Variants in FIP1L1 observed in about 807,000 individuals in gnomAD.
The protein encoded by FIP1L1 is factor interacting with PAPOLA and CPSF1, also known as pre-mRNA 3'-end-processing factor FIP1.
Under a neutral mutation model 84.6 loss-of-function variants are expected in FIP1L1, and 21 were observed. That is an observed-to-expected ratio of 0.25 (90% confidence interval 0.18 to 0.36). The LOEUF (loss-of-function observed/expected upper bound fraction) is 0.36, where lower values mean the gene tolerates loss of function less well. Ranked by LOEUF, FIP1L1 falls within the 10% of genes least tolerant of loss-of-function variation. The pLI is 1.00. For synonymous variants in FIP1L1, 263 were observed against 242.3 expected (o/e 1.09, Z -0.80); for missense variants, 526 against 751.1 (o/e 0.70, Z 3.50).
At chr4:53,391,597 A>G (rs1744264018) in intron 9 of FIP1L1, 99 bp downstream of exon 9, 1 of 820,290 alleles carries the variant, frequency 1.2e-6, no homozygotes. Context: ...GGAAATAGCT[A>G]CCTTTTTTCC....
At chr4:53,410,226 G>T (rs955439609) in intron 10 of FIP1L1, among the ~76,000 whole-genome samples, 6 of 152,332 alleles carry the variant, frequency 3.9e-5, no homozygotes, top group African/African-American at 1.2e-4. Context: ...AACACTTCAT[G>T]AGGATGATTT....
Position 53,411,320 on chromosome 4 carries a change from A to G in FIP1L1, c.816-3295A>G, listed in dbSNP as rs183671905. On this transcript the variant is annotated intron_variant, in intron 10 of 17. Transcript: ENST00000337488. ...ATCACTACTAAAAAACGAAAAATGA[A>G]TAATTACCACTGCTACCTATAAAAG... Among the ~76,000 whole-genome samples, 677 of 152,294 alleles carry G rather than the reference A, an allele frequency of 4.4e-3. 5 individuals carry two copies. Among genetic ancestry groups the G allele is most frequent in the Middle Eastern group, 0.034 (10 of 294 alleles).
chr4:53,381,753 CTTT>C (rs531488760), intron 3 of FIP1L1, among the ~76,000 whole-genome samples: 184 of 87,930 alleles, frequency 2.1e-3, no homozygotes, highest in African/African-American at 6.3e-3. Context: ...CATTTGCATT[CTTT>C]TTTTTTTTTT....
intron 17 of FIP1L1, 46 bp downstream of exon 17, chr4:53,458,836 T>C (rs77820576): frequency 6.3e-7 from 1 of 1,580,138 alleles, no homozygotes. Context: ...GTGAGAGATT[T>C]TGACTTACTA....
At chr4:53,427,877 A>T (rs779133720) in intron 12 of FIP1L1, 150 bp from the exon 13 acceptor site, 1 of 606,916 alleles carries the variant, frequency 1.6e-6, no homozygotes, top group Non-Finnish European at 2.8e-6. Flanking sequence ...CATATCACAC[A>T]TGTAGAACTA....
In FIP1L1 at chr4:53,378,010, C is replaced by T. The variant is rs908921486; in HGVS notation, c.85+87C>T. ...CGGCCGGCGTCCCTGGCCTCTCGCG[C>T]CGCCGCTTCGGGCCTCTGGTTGGGA... On this transcript the variant is annotated intron_variant, in intron 1 of 17. Coordinates refer to ENST00000337488, the MANE Select transcript of FIP1L1 (RefSeq NM_030917.4). 11 of 1,220,978 alleles carry T rather than the reference C, an allele frequency of 9.0e-6. 1 individual carries two copies. The Admixed American group carries it at 2.6e-4, about 29-fold the overall frequency. The allele number at this position is 1,220,978 out of a possible 1,614,324, so 75.6% of individuals were successfully genotyped here.
intron 10 of FIP1L1, among the ~76,000 whole-genome samples, chr4:53,403,720 G>A (rs1323348335): frequency 6.6e-6 from 1 of 152,174 alleles, no homozygotes; most frequent in South Asian, 2.1e-4. Context: ...CATTGGTTGT[G>A]CAACATGCGG....
chr4:53,405,498 T>C (rs1264581677), intron 10 of FIP1L1, among the ~76,000 whole-genome samples: 2 of 151,690 alleles, frequency 1.3e-5, no homozygotes, highest in Non-Finnish European at 2.9e-5. Context: ...CGGGCTCTTT[T>C]TTGGTTCCAT....
chr4:53,417,538 A>G (rs1760040695), intron 11 of FIP1L1, among the ~76,000 whole-genome samples: 1 of 143,492 alleles, frequency 7.0e-6, no homozygotes, highest in Admixed American at 7.4e-5. Flanking sequence ...GCTACTCGGG[A>G]GGCTGAGGCA....
intron 13 of FIP1L1, among the ~76,000 whole-genome samples, chr4:53,433,884 A>G (rs1767870493): frequency 6.6e-6 from 1 of 151,658 alleles, no homozygotes; most frequent in South Asian, 2.1e-4. Flanking sequence ...AATTTCATGA[A>G]CTTTAAAATC....
At position 53,390,570 on chromosome 4, in the gene FIP1L1, A is replaced by C; in HGVS notation, c.447A>C (p.Gly149=). 1 of 1,613,424 alleles carries C rather than the reference A, an allele frequency of 6.2e-7. No homozygotes were observed. Residue 149 remains glycine (G), a synonymous_variant, in exon 7 of 18, where the codon GGA becomes GGC. Coordinates refer to ENST00000337488, the MANE Select transcript of FIP1L1 (RefSeq NM_030917.4). ...TTGATGCACCTGGAAGCATTAATGG[A>C]GTTCCACTCTTAGAGGTAGATTTGG... ...VDLDAPGSIN[G]VPLLEVDLDS... is the part of the protein sequence containing the mutation.
intron 7 of FIP1L1, 114 bp downstream of exon 7, chr4:53,390,742 A>G (rs1333579813): frequency 7.1e-6 from 5 of 701,230 alleles, no homozygotes; most frequent in Non-Finnish European, 1.1e-5. Context: ...TAATTGTCTT[A>G]AGCAAATGAT....
At chr4:53,407,544 A>C (rs576807988) in intron 10 of FIP1L1, among the ~76,000 whole-genome samples, 1 of 151,790 alleles carries the variant, frequency 6.6e-6, no homozygotes, top group East Asian at 1.9e-4. Context: ...TGCAGAGCTG[A>C]GTTCAAGTCC....
chr4:53,421,404 T>C (rs1398406281), intron 11 of FIP1L1, among the ~76,000 whole-genome samples: 1 of 152,206 alleles, frequency 6.6e-6, no homozygotes, highest in Non-Finnish European at 1.5e-5. Flanking sequence ...CTCTCCATCT[T>C]TTCTCTATGC....
chr4:53,446,939 TTTTTTGTTTTTG>T (rs962427989), intron 15 of FIP1L1, among the ~76,000 whole-genome samples: 3 of 152,148 alleles, frequency 2.0e-5, no homozygotes, highest in East Asian at 3.9e-4. Flanking sequence ...AGAGACAAGG[TTTTTTGTTTTTG>T]TTTTTGTTTT....
chr4:53,405,772 T>G (rs1753045553), intron 10 of FIP1L1, among the ~76,000 whole-genome samples: 1 of 150,596 alleles, frequency 6.6e-6, no homozygotes, highest in South Asian at 2.1e-4. Flanking sequence ...TTGTAGCAAT[T>G]GTGAATGGGA....
chr4:53,378,765 C>T (rs978601142), intron 1 of FIP1L1: 25 of 316,886 alleles, frequency 7.9e-5, no homozygotes, highest in Non-Finnish European at 1.1e-4. Context: ...TTGTTCCTTG[C>T]CTAAAACATA....
chr4:53,383,931 T>C lies in FIP1L1; in HGVS notation c.332+55T>C. ...TGTAAATGCTATATAGTAAGGAGAG[T>C]GTGCCTATATCAAACTCTCAGTGGT... On this transcript the variant is annotated intron_variant, in intron 5 of 17. Transcript: ENST00000337488. 3.3e-6 allele frequency: 5 copies of C among 1,508,342 alleles called. No individual in the cohort carries two copies. In the South Asian group the frequency reaches 3.7e-5, roughly 11 times the overall value. 93.4% of individuals were successfully genotyped at this position (1,508,342 alleles called of 1,614,324 possible).
intron 4 of FIP1L1, among the ~76,000 whole-genome samples, chr4:53,382,575 G>C (rs953236845): frequency 1.4e-4 from 21 of 152,210 alleles, no homozygotes; most frequent in African/African-American, 4.8e-4. Context: ...GATGTTTATT[G>C]CTTTCAAGGA....
Sources: gnomAD v4.1 joint callset for allele counts (sites outside exome capture counted in the v4.1 genomes callset) on GRCh38, gnomAD v4.1.1 for gene constraint, MANE v1.5 for transcripts, NCBI Gene and HGNC (gene_info 2026-07-23, HGNC 2026-07-21) for gene names.